C1QTNF3: variants seen among roughly 807,000 people sequenced by gnomAD.
C1QTNF3 encodes the protein complement C1q tumor necrosis factor-related protein 3.
Under a neutral mutation model 32.6 loss-of-function variants are expected in C1QTNF3, and 26 were observed. The observed-to-expected ratio is 0.80, with a 90% CI of 0.58 to 1.11. The LOEUF (loss-of-function observed/expected upper bound fraction) is 1.11, where lower values mean the gene tolerates loss of function less well. Among genes scored for constraint, C1QTNF3 ranks in the 50% least tolerant of loss-of-function variants. The pLI is 0.00. For synonymous variants in C1QTNF3, 155 were observed against 146.0 expected (o/e 1.06, Z -0.44); for missense variants, 362 against 398.2 (o/e 0.91, Z 0.77).
chr5:34,028,858 G>A lies in C1QTNF3; in HGVS notation c.596C>T (p.Thr199Ile), dbSNP rs1158387040. Residue 199 changes from threonine (T) to isoleucine (I), a missense_variant, in exon 4 of 6, where the codon ACC becomes ATC. Physicochemically the swap from Thr to Ile is moderately conservative, Grantham distance 89. Coordinates refer to ENST00000382065, the MANE Select transcript of C1QTNF3 (RefSeq NM_181435.6). ...LQIAFMASLA[T>I]HFSNQNSGII... ...CCCACTGTTCTGATTGCTGAAGTGG[G>A]TTGCCAGAGAAGCCATGAATGCAAT... 2 of 1,611,876 alleles carry A rather than the reference G, an allele frequency of 1.2e-6. No homozygotes were observed. The highest frequency in any genetic ancestry group is 1.7e-6 in the Non-Finnish European group (2 of 1,178,812).
chr5:34,133,024 GAACA>G, the C1QTNF3 span, among the ~76,000 whole-genome samples: 1 of 152,158 alleles, frequency 6.6e-6, no homozygotes, highest in African/African-American at 2.4e-5. Flanking sequence ...ACATATATGA[GAACA>G]AACACTGTAA....
chr5:34,196,146 G>A, the C1QTNF3 span, among the ~76,000 whole-genome samples: 1 of 152,302 alleles, frequency 6.6e-6, no homozygotes, highest in African/African-American at 2.4e-5. Context: ...TTTTTTGTTT[G>A]TTTGCTTTTG....
At chr5:34,222,101 T>C in the C1QTNF3 span, among the ~76,000 whole-genome samples, 1 of 152,082 alleles carries the variant, frequency 6.6e-6, no homozygotes, top group East Asian at 1.9e-4. Flanking sequence ...TTTGGCAATG[T>C]TGATTTTTTT....
At chr5:34,096,732 T>G in the C1QTNF3 span, among the ~76,000 whole-genome samples, 3 of 151,874 alleles carry the variant, frequency 2.0e-5, no homozygotes, top group Admixed American at 2.0e-4. Flanking sequence ...AAGTTAGACG[T>G]GATTATCAAA....
chr5:34,041,401 C>T (rs1276388990), intron 1 of C1QTNF3, among the ~76,000 whole-genome samples: 1 of 152,154 alleles, frequency 6.6e-6, no homozygotes, highest in African/African-American at 2.4e-5. Context: ...CCAAAGACAA[C>T]CTTTAACTTC....
At chr5:34,217,131 A>G in the C1QTNF3 span, among the ~76,000 whole-genome samples, 1 of 152,156 alleles carries the variant, frequency 6.6e-6, no homozygotes. Context: ...GTAGTTTATA[A>G]GTGTTTTCAT....
the C1QTNF3 span, among the ~76,000 whole-genome samples, chr5:34,136,779 G>A: frequency 1.3e-5 from 2 of 152,214 alleles, no homozygotes; most frequent in South Asian, 4.1e-4. Context: ...ACTGGATTAA[G>A]AAAATGTGGC....
the C1QTNF3 span, among the ~76,000 whole-genome samples, chr5:34,130,958 A>C: frequency 1.3e-5 from 2 of 152,230 alleles, no homozygotes; most frequent in African/African-American, 4.8e-5. Flanking sequence ...TTTATTTAAC[A>C]GTTTGTTAAC....
the C1QTNF3 span, among the ~76,000 whole-genome samples, chr5:34,204,359 GATA>G: frequency 1.3e-5 from 2 of 152,194 alleles, no homozygotes; most frequent in African/African-American, 4.8e-5. Flanking sequence ...TCCCTCAGTG[GATA>G]ATTAGATTAA....
the C1QTNF3 span, among the ~76,000 whole-genome samples, chr5:34,117,119 G>T: frequency 6.6e-6 from 1 of 151,812 alleles, no homozygotes; most frequent in South Asian, 2.1e-4. Flanking sequence ...TGATATGTGG[G>T]AGTGATATCT....
At chr5:34,156,611 T>C in the C1QTNF3 span, among the ~76,000 whole-genome samples, 1 of 152,176 alleles carries the variant, frequency 6.6e-6, no homozygotes, top group African/African-American at 2.4e-5. Context: ...CCCTACTTTA[T>C]TTGCACAGTT....
the C1QTNF3 span, among the ~76,000 whole-genome samples, chr5:34,226,379 G>A: frequency 6.6e-6 from 1 of 151,778 alleles, no homozygotes; most frequent in Non-Finnish European, 1.5e-5. Context: ...TTCATTTAAT[G>A]TGTGATTTTC....
At chr5:34,147,668 G>C in the C1QTNF3 span, among the ~76,000 whole-genome samples, 1 of 151,772 alleles carries the variant, frequency 6.6e-6, no homozygotes, top group African/African-American at 2.4e-5. Flanking sequence ...CTACTAGATG[G>C]GGTAGAAAAA....
At chr5:34,038,541 G>A (rs927406920) in intron 1 of C1QTNF3, among the ~76,000 whole-genome samples, 7 of 152,078 alleles carry the variant, frequency 4.6e-5, no homozygotes. Flanking sequence ...CAGAAGTGCC[G>A]GGAGGGACTC....
At chr5:34,052,575 T>C in the C1QTNF3 span, among the ~76,000 whole-genome samples, 1 of 152,234 alleles carries the variant, frequency 6.6e-6, no homozygotes, top group Non-Finnish European at 1.5e-5. Flanking sequence ...AGCTGTTACT[T>C]TGTCCTTTCT....
intron 4 of C1QTNF3, among the ~76,000 whole-genome samples, chr5:34,025,797 G>A (rs1754444830): frequency 1.3e-5 from 2 of 152,174 alleles, no homozygotes; most frequent in East Asian, 3.8e-4. Flanking sequence ...GGTATTTCTA[G>A]GCATTAATGT....
At chr5:34,040,454 C>A (rs1354065567) in intron 1 of C1QTNF3, among the ~76,000 whole-genome samples, 1 of 151,620 alleles carries the variant, frequency 6.6e-6, no homozygotes, top group Non-Finnish European at 1.5e-5. Flanking sequence ...AAATGGGTAT[C>A]CGGGAGAAGG....
the C1QTNF3 span, among the ~76,000 whole-genome samples, chr5:34,110,421 C>T: frequency 6.6e-6 from 1 of 152,026 alleles, no homozygotes; most frequent in African/African-American, 2.4e-5. Flanking sequence ...AACATGTCTA[C>T]CCACTTCCCA....
the C1QTNF3 span, chr5:34,167,317 TC>T: frequency 2.0e-5 from 3 of 152,186 alleles, no homozygotes; most frequent in East Asian, 5.8e-4. Flanking sequence ...TTTCTCTGCC[TC>T]ACGTTTCAAG....
Sources: allele counts gnomAD v4.1 joint callset (sites outside exome capture counted in the v4.1 genomes callset), GRCh38; gene constraint gnomAD v4.1.1; transcripts MANE v1.5; gene names NCBI Gene and HGNC (gene_info 2026-07-23, HGNC 2026-07-21).